Variants in ADGRL3 observed in about 807,000 individuals in gnomAD.
ADGRL3 encodes the protein calcium-independent alpha-latrotoxin receptor 3.
A neutral mutation model predicts 153.5 loss-of-function variants in ADGRL3; 62 were observed. The observed-to-expected ratio is 0.40, with a 90% confidence interval of 0.33 to 0.50. The LOEUF (loss-of-function observed/expected upper bound fraction) is 0.50, where lower values mean the gene tolerates loss of function less well. ADGRL3 is among the 20% of genes least tolerant of loss of function. The pLI, the probability that ADGRL3 is intolerant of heterozygous loss-of-function variation, is 0.47. For synonymous variants in ADGRL3, 710 were observed against 672.5 expected (o/e 1.06, Z -0.86); for missense variants, 1,641 against 1,859.4 (o/e 0.88, Z 2.16).
chr4:61,528,161 C>T (rs1444713704), intron 4 of ADGRL3, among the ~76,000 whole-genome samples: 11 of 152,130 alleles, frequency 7.2e-5, no homozygotes, highest in Admixed American at 7.2e-4. Flanking sequence ...TAATAACGGT[C>T]ATAACTCATA....
At chr4:62,046,969 A>T (rs562561230) in intron 25 of ADGRL3, among the ~76,000 whole-genome samples, 78 of 151,956 alleles carry the variant, frequency 5.1e-4, no homozygotes, top group African/African-American at 1.8e-3. Context: ...CGTGTGTATC[A>T]TATTTAGGTA....
intron 1 of ADGRL3, among the ~76,000 whole-genome samples, chr4:61,320,437 G>A (rs912295793): frequency 4.6e-5 from 7 of 152,138 alleles, no homozygotes; most frequent in Non-Finnish European, 1.0e-4. Context: ...TCACATAATT[G>A]TGGAGCTCCC....
At chr4:61,642,000 C>T (rs1011109751) in intron 5 of ADGRL3, among the ~76,000 whole-genome samples, 3 of 150,858 alleles carry the variant, frequency 2.0e-5, no homozygotes, top group Admixed American at 6.6e-5. Flanking sequence ...GAGATGGTAT[C>T]TCATTGTGGT....
intron 6 of ADGRL3, among the ~76,000 whole-genome samples, chr4:61,682,868 A>T (rs986838407): frequency 3.9e-5 from 6 of 152,126 alleles, no homozygotes; most frequent in Non-Finnish European, 8.8e-5. Context: ...CCTACTGCAT[A>T]CCAGGCACTA....
intron 3 of ADGRL3, among the ~76,000 whole-genome samples, chr4:61,509,655 TCC>T (rs1396788670): frequency 9.9e-5 from 15 of 152,070 alleles, no homozygotes; most frequent in African/African-American, 2.9e-4. Context: ...ATTTTATTTA[TCC>T]AGTCTACCAT....
intron 8 of ADGRL3, among the ~76,000 whole-genome samples, chr4:61,734,481 G>GCA (rs2096483752): frequency 1.3e-5 from 2 of 152,132 alleles, no homozygotes; most frequent in Admixed American, 6.6e-5. Context: ...GTCTTACAAG[G>GCA]CAGCAGGCAA....
At chr4:61,938,216 T>G (rs576174031) in intron 15 of ADGRL3, among the ~76,000 whole-genome samples, 11 of 152,320 alleles carry the variant, frequency 7.2e-5, no homozygotes, top group African/African-American at 2.4e-4. Flanking sequence ...CAGCCAATTA[T>G]AAACCAATTA....
At chr4:61,468,480 A>T (rs1325891066) in intron 2 of ADGRL3, among the ~76,000 whole-genome samples, 1 of 152,136 alleles carries the variant, frequency 6.6e-6, no homozygotes, top group African/African-American at 2.4e-5. Flanking sequence ...TGAGTGTCCT[A>T]AATAGTGTGT....
Position 62,078,037 on chromosome 4 carries a change from A to T in ADGRL3, c.*7129A>T, listed in dbSNP as rs976875117. The T allele has an allele frequency of 4.4e-4, 67 of 152,142 alleles. No individual in the cohort carries two copies. The highest frequency in any genetic ancestry group is 1.5e-3 in the African/African-American group (62 of 41,576). 9.4% of individuals were successfully genotyped at this position (152,142 alleles called of 1,614,324 possible). A position where few individuals can be genotyped will look rare whatever the true frequency, so the allele number is the denominator to read the frequency against. The stretch of plus-strand genomic sequence containing the variant: ...CACCAAGCATTAAATCTAATTCAAA[A>T]TATGTCTTTCTAAAAAACAATAGTT... On this transcript the variant is annotated 3_prime_UTR_variant, in exon 27 of 27. Transcript: ENST00000683033.
chr4:62,034,118 A>G (rs893061864), intron 23 of ADGRL3, among the ~76,000 whole-genome samples: 1 of 151,814 alleles, frequency 6.6e-6, no homozygotes, highest in African/African-American at 2.4e-5. Flanking sequence ...GTTAAATTTT[A>G]AAATATATAT....
intron 5 of ADGRL3, among the ~76,000 whole-genome samples, chr4:61,605,783 T>G (rs2099030147): frequency 6.6e-6 from 1 of 152,176 alleles, no homozygotes; most frequent in African/African-American, 2.4e-5. Context: ...CTTATGTATG[T>G]GAAATGAGTA....
chr4:62,022,224 G>A (rs2099241433), intron 21 of ADGRL3, among the ~76,000 whole-genome samples: 1 of 152,164 alleles, frequency 6.6e-6, no homozygotes, highest in Admixed American at 6.6e-5. Flanking sequence ...AATCTCTAAA[G>A]CCAAGCCTAA....
intron 17 of ADGRL3, among the ~76,000 whole-genome samples, chr4:61,960,645 C>A (rs1305838475): frequency 6.6e-6 from 1 of 152,118 alleles, no homozygotes; most frequent in Non-Finnish European, 1.5e-5. Context: ...TGCCCATGTG[C>A]AGATCCTAAA....
intron 9 of ADGRL3, among the ~76,000 whole-genome samples, chr4:61,858,235 A>G (rs1347506857): frequency 1.3e-5 from 2 of 152,230 alleles, no homozygotes; most frequent in Admixed American, 6.5e-5. Flanking sequence ...CAGGCTATGT[A>G]TGGCCTCCCT....
At chr4:61,658,179 C>T (rs2094494049) in intron 5 of ADGRL3, among the ~76,000 whole-genome samples, 1 of 152,158 alleles carries the variant, frequency 6.6e-6, no homozygotes, top group South Asian at 2.1e-4. Context: ...GACATTTCAA[C>T]TAATTATTAA....
chr4:61,342,853 A>T (rs906336611), intron 1 of ADGRL3, among the ~76,000 whole-genome samples: 1 of 152,254 alleles, frequency 6.6e-6, no homozygotes, highest in Middle Eastern at 3.4e-3. Flanking sequence ...GTCTGTTCTC[A>T]TGCTGCTAAT....
chr4:61,892,356 G>C (rs1422661716), intron 9 of ADGRL3, among the ~76,000 whole-genome samples: 1 of 152,106 alleles, frequency 6.6e-6, no homozygotes, highest in African/African-American at 2.4e-5. Context: ...AGAGCATTAG[G>C]AAGCTTACTG....
At chr4:61,364,648 A>T (rs1461645067) in intron 1 of ADGRL3, among the ~76,000 whole-genome samples, 1 of 152,228 alleles carries the variant, frequency 6.6e-6, no homozygotes, top group African/African-American at 2.4e-5. Flanking sequence ...AAGATAAATG[A>T]ATAAATAAGT....
At chr4:61,354,571 TG>T (rs1308743122) in intron 1 of ADGRL3, among the ~76,000 whole-genome samples, 1 of 82,338 alleles carries the variant, frequency 1.2e-5, no homozygotes, top group East Asian at 6.2e-4. Flanking sequence ...GATAAGACTT[TG>T]TCTGTGTGTG....
Sources: allele counts gnomAD v4.1 joint callset (sites outside exome capture counted in the v4.1 genomes callset), GRCh38; gene constraint gnomAD v4.1.1; transcripts MANE v1.5; gene names NCBI Gene and HGNC (gene_info 2026-07-23, HGNC 2026-07-21).